The following SLC1A6 variants were observed in gnomAD, a reference collection of about 807,000 sequenced individuals.
The protein encoded by SLC1A6 is excitatory amino acid transporter 4.
A neutral mutation model predicts 42.1 loss-of-function variants in SLC1A6; 15 were observed. The ratio of observed to expected loss-of-function variants is 0.36; its 90% CI spans 0.24 to 0.55. The LOEUF is 0.55. Among genes scored for constraint, SLC1A6 ranks in the 20% least tolerant of loss-of-function variants. SLC1A6 has a pLI of 0.88. For missense variants in SLC1A6, 542 were observed against 772.5 expected (o/e 0.70, Z 3.54); for synonymous variants, 317 against 319.7 (o/e 0.99, Z 0.09).
chr19:15,000,373 T>G (rs2045866974), intron 1 of SLC1A6, among the ~76,000 whole-genome samples: 2 of 152,188 alleles, frequency 1.3e-5, no homozygotes, highest in Admixed American at 1.3e-4. Context: ...TCTCCCCAAT[T>G]GCCCCCAATC....
Position 14,955,934 on chromosome 19 carries a change from C to CA in SLC1A6, c.1169+541dup, listed in dbSNP as rs560562199. ...TGGGTGACAGAGTGAGACTCTGTCT[C>CA]AAAAAAAAGAAAAAAAAAATTCTTC... On this transcript the variant is annotated intron_variant, in intron 7 of 9. Transcript: ENST00000594383. Among the ~76,000 whole-genome samples the CA allele has an allele frequency of 7.1e-3, 1,060 of 148,666 alleles. 12 individuals are homozygous for CA. The highest frequency in any genetic ancestry group is 0.01 in the Middle Eastern group (3 of 292).
intron 1 of SLC1A6, among the ~76,000 whole-genome samples, chr19:14,986,754 C>T (rs1458256029): frequency 6.6e-6 from 1 of 151,942 alleles, no homozygotes; most frequent in Non-Finnish European, 1.5e-5. Context: ...CCAGGTCTGG[C>T]TAATTTTTCC....
chr19:15,004,441 G>T (rs1317806724), intron 1 of SLC1A6, among the ~76,000 whole-genome samples: 1 of 149,290 alleles, frequency 6.7e-6, no homozygotes, highest in Non-Finnish European at 1.5e-5. Context: ...GTGGCTTGTG[G>T]CCATAATCCC....
chr19:14,959,367 G>A (rs1376496964), intron 6 of SLC1A6, among the ~76,000 whole-genome samples: 5 of 152,196 alleles, frequency 3.3e-5, no homozygotes, highest in African/African-American at 9.7e-5. Flanking sequence ...CAGTAGCAGG[G>A]ACAAACTGCA....
Position 14,979,818 on chromosome 19 carries a change from G to T in SLC1A6, c.-517C>A, listed in dbSNP as rs1470153634. 6.6e-6 allele frequency: 1 copy of T among 151,412 alleles called. No individual in the cohort carries two copies. Among genetic ancestry groups the T allele is most frequent in the East Asian group, 2.0e-4 (1 of 5,088 alleles). 9.4% of individuals were successfully genotyped at this position (151,412 alleles called of 1,614,324 possible). On this transcript the variant is annotated 5_prime_UTR_variant, in exon 1 of 10. In the 5' UTR this introduces an upstream ATG that the reference lacks. Transcript: ENST00000594383. The surrounding 1 kb of genome is among the most constrained non-coding windows in gnomAD (Gnocchi z 4.2). ...CCCCGCGCCCAGCCCAGGCTCCGCA[G>T]CCGTGTGGGAGAAGGGGGACAGCGT...
At chr19:14,991,913 C>T (rs2045822289) in intron 1 of SLC1A6, among the ~76,000 whole-genome samples, 1 of 152,020 alleles carries the variant, frequency 6.6e-6, no homozygotes, top group Admixed American at 6.5e-5. Flanking sequence ...GCAATCTCCG[C>T]CTCCCGGGTT....
At chr19:14,991,376 G>T (rs2045819110) in intron 1 of SLC1A6, among the ~76,000 whole-genome samples, 1 of 152,162 alleles carries the variant, frequency 6.6e-6, no homozygotes, top group African/African-American at 2.4e-5. Flanking sequence ...TGTAATCCCA[G>T]CACTTTGGGA....
At chr19:14,961,077 A>G (rs1218208163) in intron 6 of SLC1A6, among the ~76,000 whole-genome samples, 2 of 69,656 alleles carry the variant, frequency 2.9e-5, no homozygotes, top group African/African-American at 1.7e-4. Flanking sequence ...ACACCCAGCT[A>G]ATTTTTTTTG....
Position 14,991,857 on chromosome 19 carries a change from A to G in SLC1A6, c.6+18628T>C, listed in dbSNP as rs1258738470. 4.8e-5 allele frequency among the ~76,000 whole-genome samples: 7 copies of G among 144,602 alleles called. No homozygotes were observed. In the East Asian group the frequency reaches 1.4e-3, roughly 29 times the overall value. 94.9% of individuals were successfully genotyped at this position (144,602 alleles called of 152,430 possible). On this transcript the variant is annotated intron_variant, in intron 1 of 8. Coordinates refer to the SLC1A6 transcript ENST00000430939. ...GCTTTTTTCTTTTTTTTTTTTTTCTAGAGGGAGTCTTGCTCTGTCACGCAG... is the reference window on the plus strand; with the variant it reads ...GCTTTTTTCTTTTTTTTTTTTTTCTGGAGGGAGTCTTGCTCTGTCACGCAG...
At chr19:14,984,138 C>A (rs1290588555), upstream of SLC1A6, among the ~76,000 whole-genome samples, 1 of 151,916 alleles carries the variant, frequency 6.6e-6, no homozygotes, top group East Asian at 1.9e-4. Flanking sequence ...GGAGAAACCC[C>A]GTCTCTACTA....
chr19:14,996,528 T>TTCTTCTTCTTCTTCTTCTTCTTCTTCTTC (rs2045846808), intron 1 of SLC1A6, among the ~76,000 whole-genome samples: 4 of 125,944 alleles, frequency 3.2e-5, no homozygotes, highest in South Asian at 3.1e-4. Flanking sequence ...CCTCCTCCTC[T>TTCTTCTTCTTCTTCTTCTTCTTCTTCTTC]TTCTTCTTCT....
intron 1 of SLC1A6, among the ~76,000 whole-genome samples, chr19:15,000,275 G>C (rs2045866604): frequency 1.3e-5 from 2 of 152,126 alleles, no homozygotes. Context: ...GCAATATACT[G>C]TTATTAACTA....
intron 7 of SLC1A6, among the ~76,000 whole-genome samples, chr19:14,956,016 CTTAA>C (rs1448376402): frequency 6.6e-6 from 1 of 151,898 alleles, no homozygotes; most frequent in Non-Finnish European, 1.5e-5. Context: ...GGATGATGCT[CTTAA>C]TTAATCCCCT....
chr19:14,962,164 G>A lies in SLC1A6; in HGVS notation c.773C>T (p.Pro258Leu), dbSNP rs747370651. ...QEMLSFEETVPVPGSANGINA... is the reference protein window; with the variant it reads ...QEMLSFEETVLVPGSANGINA... The stretch of plus-strand genomic sequence containing the variant: ...GATGCCATTGGCGGAGCCAGGCACG[G>A]GTACAGTCTCCTCAAAGCTCAGCAT... Residue 258 changes from proline (P) to leucine (L), a missense_variant, in exon 6 of 10, where the codon CCC becomes CTC. Physicochemically the swap from Pro to Leu is moderately conservative, Grantham distance 98. Transcript: ENST00000594383. 6.2e-7 allele frequency: 1 copy of A among 1,614,182 alleles called. No homozygotes were observed. Among genetic ancestry groups the A allele is most frequent in the Admixed American group, 1.7e-5 (1 of 60,020 alleles).
In SLC1A6 at chr19:14,971,893, G is replaced by C; in HGVS notation, c.206-19C>G. 1 of 1,613,442 alleles carries C rather than the reference G, an allele frequency of 6.2e-7. No individual in the cohort carries two copies. Among genetic ancestry groups the C allele is most frequent in the South Asian group, 1.1e-5 (1 of 91,046 alleles). On this transcript the variant is annotated intron_variant, in intron 2 of 9. Transcript: ENST00000594383. ...CTGACCCCTAGGGCCAAAAGAAGGG[G>C]TCCATGGACTGAAGTCTGGGTCGCT...
rs1165842607 is a variant in SLC1A6 at position 15,009,140 on chromosome 19, T to C, written c.6+1345A>G. ...ATCATATATCTAGATAGCATATATATATCACATAGATATGCTATCTAGACA... is the reference window on the plus strand; with the variant it reads ...ATCATATATCTAGATAGCATATATACATCACATAGATATGCTATCTAGACA... On this transcript the variant is annotated intron_variant, in intron 1 of 8. Coordinates refer to the SLC1A6 transcript ENST00000430939. Among the ~76,000 whole-genome samples the C allele has an allele frequency of 3.3e-5, 5 of 150,868 alleles. No individual in the cohort carries two copies. In the South Asian group the frequency reaches 8.4e-4, roughly 25 times the overall value.
intron 7 of SLC1A6, among the ~76,000 whole-genome samples, chr19:14,955,970 G>T (rs900375975): frequency 6.6e-6 from 1 of 152,056 alleles, no homozygotes; most frequent in African/African-American, 2.4e-5. Context: ...CATCTTTTTG[G>T]CTGTTGTGCT....
intron 1 of SLC1A6, among the ~76,000 whole-genome samples, chr19:14,976,255 G>T (rs957886129): frequency 1.3e-5 from 2 of 152,134 alleles, no homozygotes; most frequent in African/African-American, 2.4e-5. Flanking sequence ...ATTCGCAATC[G>T]CCTAGATATG....
intron 1 of SLC1A6, among the ~76,000 whole-genome samples, chr19:14,987,731 A>G (rs2045799901): frequency 6.6e-6 from 1 of 152,166 alleles, no homozygotes; most frequent in Non-Finnish European, 1.5e-5. Flanking sequence ...CAAGTACATC[A>G]TGAGTCTCCC....
Sources: allele counts gnomAD v4.1 joint callset (sites outside exome capture counted in the v4.1 genomes callset), GRCh38; gene constraint gnomAD v4.1.1; non-coding constraint Gnocchi (gnomAD v3.1); transcripts MANE v1.5; gene names NCBI Gene and HGNC (gene_info 2026-07-23, HGNC 2026-07-21).